Variants in SGCZ observed in about 807,000 individuals in gnomAD.
The protein encoded by SGCZ is zeta-sarcoglycan.
SGCZ carries 40 observed loss-of-function variants against 41.3 expected under a neutral mutation model. That is an observed-to-expected ratio of 0.97 (90% CI 0.75 to 1.26). The LOEUF (loss-of-function observed/expected upper bound fraction) is 1.26. Among genes scored for constraint, SGCZ ranks in the 50% most tolerant of loss-of-function variants. SGCZ has a pLI of 0.00. For missense variants in SGCZ, 552 were observed against 369.8 expected (o/e 1.49, Z -4.04); for synonymous variants, 206 against 137.5 (o/e 1.50, Z -3.49).
intron 1 of SGCZ, among the ~76,000 whole-genome samples, chr8:15,028,826 A>C (rs1397385394): frequency 6.6e-6 from 1 of 152,086 alleles, no homozygotes; most frequent in Non-Finnish European, 1.5e-5. Flanking sequence ...CTAAAATGAA[A>C]TCAGGTACTT....
At chr8:14,960,485 G>C (rs1462599529) in intron 1 of SGCZ, among the ~76,000 whole-genome samples, 1 of 152,152 alleles carries the variant, frequency 6.6e-6, no homozygotes, top group East Asian at 1.9e-4. Context: ...GTACCACAAA[G>C]TACCAATCTC....
chr8:14,697,053 T>C (rs1808988209), intron 1 of SGCZ, among the ~76,000 whole-genome samples: 1 of 152,018 alleles, frequency 6.6e-6, no homozygotes. Flanking sequence ...TTAGGAGAAC[T>C]ATCCAATATT....
chr8:14,771,890 C>G (rs954065041), intron 1 of SGCZ, among the ~76,000 whole-genome samples: 1 of 152,004 alleles, frequency 6.6e-6, no homozygotes, highest in Admixed American at 6.6e-5. Context: ...ATTTCAATTT[C>G]AATAAAAATG....
At chr8:14,541,729 C>A (rs2117152778) in intron 2 of SGCZ, among the ~76,000 whole-genome samples, 1 of 152,256 alleles carries the variant, frequency 6.6e-6, no homozygotes, top group Non-Finnish European at 1.5e-5. Context: ...AATGGTTGAA[C>A]TAATTTACAC....
chr8:14,561,471 G>T (rs1196110507), intron 1 of SGCZ, among the ~76,000 whole-genome samples: 1 of 152,026 alleles, frequency 6.6e-6, no homozygotes, highest in Non-Finnish European at 1.5e-5. Context: ...CCTCCCTTTT[G>T]ATGTTAATTC....
chr8:14,528,423 G>C (rs1803019174), intron 2 of SGCZ, among the ~76,000 whole-genome samples: 1 of 152,010 alleles, frequency 6.6e-6, no homozygotes, highest in Non-Finnish European at 1.5e-5. Flanking sequence ...TCCTCTCTTA[G>C]TTCAGAATCT....
At chr8:14,714,086 G>C (rs867376738) in intron 1 of SGCZ, among the ~76,000 whole-genome samples, 2 of 152,004 alleles carry the variant, frequency 1.3e-5, no homozygotes, top group Non-Finnish European at 2.9e-5. Context: ...TTCTGCCTCA[G>C]CCTCCCGAGT....
chr8:14,394,387 G>C (rs144648850), intron 2 of SGCZ, among the ~76,000 whole-genome samples: 5,847 of 152,070 alleles, frequency 0.038, 344 homozygotes, highest in African/African-American at 0.13. Flanking sequence ...CTGACCTCGT[G>C]ATCCACCCGC....
chr8:14,677,169 G>A (rs1024186258), intron 1 of SGCZ, among the ~76,000 whole-genome samples: 1 of 151,930 alleles, frequency 6.6e-6, no homozygotes, highest in African/African-American at 2.4e-5. Flanking sequence ...TGCCAGCAAT[G>A]AGAAAGTGGG....
chr8:14,352,102 C>T (rs1023977429), intron 2 of SGCZ, among the ~76,000 whole-genome samples: 1 of 152,040 alleles, frequency 6.6e-6, no homozygotes, highest in African/African-American at 2.4e-5. Flanking sequence ...TAGCTTCTTT[C>T]ATTAAAATTC....
At chr8:14,951,669 A>T (rs1800646034) in intron 1 of SGCZ, among the ~76,000 whole-genome samples, 1 of 152,078 alleles carries the variant, frequency 6.6e-6, no homozygotes, top group Admixed American at 6.5e-5. Context: ...ATTTACAATG[A>T]TCAAATGATT....
At chr8:14,454,161 T>TAGTA (rs1800676649) in intron 2 of SGCZ, among the ~76,000 whole-genome samples, 1 of 152,178 alleles carries the variant, frequency 6.6e-6, no homozygotes. Context: ...CTGTGTCAGA[T>TAGTA]AGTAAGAGCC....
chr8:14,196,264 AT>A (rs61326421), intron 4 of SGCZ, among the ~76,000 whole-genome samples: 61,739 of 147,886 alleles, frequency 0.42, 13,014 homozygotes, highest in South Asian at 0.65. Flanking sequence ...AATTAGAGTA[AT>A]TTTTTTTTTT....
chr8:14,471,300 G>C (rs1585559491), intron 2 of SGCZ, among the ~76,000 whole-genome samples: 1 of 152,098 alleles, frequency 6.6e-6, no homozygotes, highest in Non-Finnish European at 1.5e-5. Flanking sequence ...ATAATTTGCA[G>C]TGCTGAAAAA....
intron 1 of SGCZ, among the ~76,000 whole-genome samples, chr8:14,966,936 A>G (rs892551568): frequency 1.3e-5 from 2 of 152,112 alleles, no homozygotes; most frequent in African/African-American, 4.8e-5. Context: ...GAGGTACAGA[A>G]AAATAAACCA....
rs141136352 is a variant in SGCZ, at chr8:14,517,182, T to C, written c.234+37550A>G. ...CAGAAATAAATGTGACATGAGGGGA[T>C]GATGGCGCTTGGAAGACAAACAAAA... On this transcript the variant is annotated intron_variant, in intron 2 of 7. Transcript: ENST00000382080. Among the ~76,000 whole-genome samples the C allele has an allele frequency of 4.7e-3, 715 of 151,902 alleles. 10 individuals are homozygous for C. Among genetic ancestry groups the C allele is most frequent in the African/African-American group, 0.016 (672 of 41,540 alleles).
At chr8:14,394,323 G>T (rs1298122084) in intron 2 of SGCZ, among the ~76,000 whole-genome samples, 1 of 151,694 alleles carries the variant, frequency 6.6e-6, no homozygotes, top group African/African-American at 2.4e-5. Flanking sequence ...GCTAATTTTT[G>T]TGTTTCTAAC....
chr8:14,363,529 TTCTTC>T (rs1157857346), intron 2 of SGCZ, among the ~76,000 whole-genome samples: 1 of 151,738 alleles, frequency 6.6e-6, no homozygotes, highest in African/African-American at 2.4e-5. Context: ...TTCTTTTCTT[TTCTTC>T]TTCTTTTTTT....
chr8:14,808,526 T>G (rs1473238413), intron 1 of SGCZ, among the ~76,000 whole-genome samples: 1 of 152,032 alleles, frequency 6.6e-6, no homozygotes, highest in African/African-American at 2.4e-5. Context: ...AAAACCACAA[T>G]GAGATACCAT....
Sources: gnomAD v4.1 joint callset for allele counts (sites outside exome capture counted in the v4.1 genomes callset) on GRCh38, gnomAD v4.1.1 for gene constraint, MANE v1.5 for transcripts, NCBI Gene and HGNC (gene_info 2026-07-23, HGNC 2026-07-21) for gene names.